The following LDLRAD4 variants were observed in gnomAD, a reference collection of about 807,000 sequenced individuals.
LDLRAD4 encodes low density lipoprotein receptor class A domain containing 4, also known as low-density lipoprotein receptor class A domain-containing protein 4.
Under a neutral mutation model 17.0 loss-of-function variants are expected in LDLRAD4, and 5 were observed. That is an observed-to-expected ratio of 0.29 (90% CI 0.15 to 0.62). The LOEUF is 0.62. Ranked by LOEUF, LDLRAD4 falls within the 20% of genes least tolerant of loss-of-function variation. The probability of loss-of-function intolerance (pLI) is 0.84; values close to 1 mark genes in which losing one functional copy is unlikely to be tolerated. For synonymous variants in LDLRAD4, 168 were observed against 171.8 expected (o/e 0.98, Z 0.17); for missense variants, 340 against 424.7 (o/e 0.80, Z 1.75).
chr18:13,248,502 T>TG (rs2043079807), intron 1 of LDLRAD4, among the ~76,000 whole-genome samples: 1 of 152,236 alleles, frequency 6.6e-6, no homozygotes, highest in South Asian at 2.1e-4. Context: ...AATTGTGGAA[T>TG]GAACCACTGG....
At position 13,367,759 on chromosome 18, in the gene LDLRAD4, T is replaced by G. The variant is rs1180422149; in HGVS notation, c.-382-19582T>G. On this transcript the variant is annotated intron_variant, in intron 1 of 5. Coordinates refer to ENST00000359446, the Ensembl canonical transcript of LDLRAD4. This position sits in a 1 kb window ranked among gnomAD's most constrained non-coding sequence, Gnocchi z 4.1. ...GCCCGGGGGGCATGCACTGTCAAGGTGTTTGCTGAGAGGGGACAGCGGGGC... is the reference window on the plus strand; with the variant it reads ...GCCCGGGGGGCATGCACTGTCAAGGGGTTTGCTGAGAGGGGACAGCGGGGC... Among the ~76,000 whole-genome samples, 1 of 141,602 alleles carries G rather than the reference T, an allele frequency of 7.1e-6. No homozygotes were observed. The highest frequency in any genetic ancestry group is 1.6e-5 in the Non-Finnish European group (1 of 64,316). The allele number at this position is 141,602 out of a possible 152,430, so 92.9% of individuals were successfully genotyped here. A position where few individuals can be genotyped will look rare whatever the true frequency, so the allele number is the denominator to read the frequency against.
chr18:13,599,399 C>T (rs1336139093), intron 3 of LDLRAD4, among the ~76,000 whole-genome samples: 3 of 152,002 alleles, frequency 2.0e-5, no homozygotes, highest in African/African-American at 7.3e-5. Flanking sequence ...AAAATGGTTA[C>T]TCTTTTACAT....
In LDLRAD4 at chr18:13,409,777, A is replaced by G. The variant is rs143812713; in HGVS notation, c.40+22015A>G. ...AAATCACCATCAGAACATCATAATA[A>G]TGATGCTGTAGGTGAGACCTGATAC... On this transcript the variant is annotated intron_variant, in intron 2 of 5. Coordinates refer to ENST00000359446, the Ensembl canonical transcript of LDLRAD4. Among the ~76,000 whole-genome samples the G allele has an allele frequency of 9.2e-5, 14 of 152,354 alleles. No individual in the cohort carries two copies. In the East Asian group the frequency reaches 2.7e-3, roughly 29 times the overall value.
At chr18:13,542,445 G>C (rs11662975) in intron 3 of LDLRAD4, 88,193 of 152,434 alleles carry the variant, frequency 0.58, 25,857 homozygotes, top group Middle Eastern at 0.71. Context: ...TAGGACTCAT[G>C]ATTGTCCCCT....
At chr18:13,381,365 C>T (rs1389287366) in intron 1 of LDLRAD4, among the ~76,000 whole-genome samples, 1 of 152,178 alleles carries the variant, frequency 6.6e-6, no homozygotes, top group Non-Finnish European at 1.5e-5. Context: ...ACCGTGCCCG[C>T]CCACTGTATC....
At chr18:13,467,791 A>G (rs949382102) in intron 3 of LDLRAD4, among the ~76,000 whole-genome samples, 1 of 152,240 alleles carries the variant, frequency 6.6e-6, no homozygotes, top group Admixed American at 6.5e-5. Context: ...GGATAGATGC[A>G]TAGACCTATG....
chr18:13,529,479 C>T (rs767025348), intron 3 of LDLRAD4, among the ~76,000 whole-genome samples: 15 of 152,188 alleles, frequency 9.9e-5, no homozygotes, highest in South Asian at 2.1e-4. Flanking sequence ...GGCAGGCTGT[C>T]GCGGTGCAAG....
Position 13,621,130 on chromosome 18 carries a change from C to G in LDLRAD4, c.195C>G (p.Phe65Leu). ...CTTCCATGGCAGCGGAGCTGGAGTT[C>G]GCCCAAATCATCATCATCGTCGTGG... Residue 65 changes from phenylalanine (F) to leucine (L), a missense_variant, in exon 4 of 6, where the codon TTC becomes TTG. By Grantham distance (22) the Phe-to-Leu change is conservative (BLOSUM62 0). Coordinates refer to ENST00000359446, the Ensembl canonical transcript of LDLRAD4. This position sits in a 1 kb window ranked among gnomAD's most constrained non-coding sequence, Gnocchi z 5.5. The G allele has an allele frequency of 6.2e-7, 1 of 1,614,182 alleles. No individual in the cohort carries two copies. The highest frequency in any genetic ancestry group is 1.3e-5 in the African/African-American group (1 of 75,056).
intron 1 of LDLRAD4, among the ~76,000 whole-genome samples, chr18:13,347,978 C>G (rs751412414): frequency 5.9e-5 from 9 of 152,114 alleles, no homozygotes; most frequent in Non-Finnish European, 1.2e-4. Context: ...TTCGTCTAAT[C>G]TTTTTTCAAG....
At chr18:13,390,228 G>A (rs2086161507) in intron 2 of LDLRAD4, among the ~76,000 whole-genome samples, 5 of 152,244 alleles carry the variant, frequency 3.3e-5, no homozygotes, top group Admixed American at 3.3e-4. Context: ...CAGCCTGGCT[G>A]AGGAACAAGG....
At chr18:13,443,594 C>T (rs143291679) in intron 3 of LDLRAD4, among the ~76,000 whole-genome samples, 16 of 152,286 alleles carry the variant, frequency 1.1e-4, no homozygotes, top group African/African-American at 3.9e-4. Context: ...GCACCAGGAT[C>T]CAAAGAAGCC....
At chr18:13,424,893 G>GTATGCCTCGCTAA (rs960398837) in intron 2 of LDLRAD4, among the ~76,000 whole-genome samples, 7 of 152,212 alleles carry the variant, frequency 4.6e-5, no homozygotes, top group African/African-American at 9.7e-5. Context: ...CGAAGGGCAC[G>GTATGCCTCGCTAA]TATGCCTCGC....
chr18:13,343,020 A>AT (rs994205323), intron 1 of LDLRAD4, among the ~76,000 whole-genome samples: 34 of 150,952 alleles, frequency 2.3e-4, no homozygotes, highest in African/African-American at 7.3e-4. Context: ...TAGTCTGTAG[A>AT]TTTTTTTTTG....
At chr18:13,368,038 A>T (rs939804816) in intron 1 of LDLRAD4, among the ~76,000 whole-genome samples, 7 of 152,220 alleles carry the variant, frequency 4.6e-5, no homozygotes, top group African/African-American at 1.7e-4. Flanking sequence ...CATAAAATAA[A>T]ATAAGGAACA....
At chr18:13,258,574 G>A (rs1159296278) in intron 1 of LDLRAD4, among the ~76,000 whole-genome samples, 3 of 152,128 alleles carry the variant, frequency 2.0e-5, no homozygotes, top group Non-Finnish European at 4.4e-5. Context: ...ACTCAGGGAT[G>A]GAATAATCTA....
chr18:13,523,077 C>T (rs965324712), intron 3 of LDLRAD4, among the ~76,000 whole-genome samples: 1 of 152,182 alleles, frequency 6.6e-6, no homozygotes, highest in Non-Finnish European at 1.5e-5. Flanking sequence ...CAGCAGTCTC[C>T]TCTTGGTGCC....
chr18:13,421,591 C>T (rs888890042), intron 2 of LDLRAD4, among the ~76,000 whole-genome samples: 8 of 152,140 alleles, frequency 5.3e-5, no homozygotes, highest in South Asian at 2.1e-4. Context: ...ATCTGGTAGC[C>T]GAGAATAGAA....
At chr18:13,348,500 G>A (rs1336245189) in intron 1 of LDLRAD4, among the ~76,000 whole-genome samples, 1 of 152,204 alleles carries the variant, frequency 6.6e-6, no homozygotes, top group African/African-American at 2.4e-5. Flanking sequence ...GTGCCTCCCA[G>A]TTAGGCTACT....
chr18:13,489,845 G>A (rs1438286298), intron 3 of LDLRAD4: 1 of 152,136 alleles, frequency 6.6e-6, no homozygotes, highest in Admixed American at 6.6e-5. Context: ...CTTTTAACAC[G>A]AGTGACTTAA....
Sources: allele counts gnomAD v4.1 joint callset (sites outside exome capture counted in the v4.1 genomes callset), GRCh38; gene constraint gnomAD v4.1.1; non-coding constraint Gnocchi (gnomAD v3.1); transcripts MANE v1.5; gene names NCBI Gene and HGNC (gene_info 2026-07-23, HGNC 2026-07-21).